Variants in SH2D4A observed in about 807,000 individuals in gnomAD.
The protein encoded by SH2D4A is SH2 domain-containing protein 4A.
A neutral mutation model predicts 64.7 loss-of-function variants in SH2D4A; 70 were observed. That is an observed-to-expected ratio of 1.08 (90% CI 0.89 to 1.32). The LOEUF is 1.32. Among genes scored for constraint, SH2D4A ranks in the 40% most tolerant of loss-of-function variants. The pLI is 0.00. For synonymous variants in SH2D4A, 268 were observed against 200.7 expected, an observed-to-expected ratio of 1.34 and a Z score of -2.83; for missense variants, 706 against 540.1, an observed-to-expected ratio of 1.31 and a Z score of -3.04.
intron 7 of SH2D4A, among the ~76,000 whole-genome samples, chr8:19,366,460 C>A (rs902121003): frequency 1.3e-5 from 2 of 152,106 alleles, no homozygotes; most frequent in Admixed American, 6.6e-5. Context: ...TACCATCCCC[C>A]CTACTCTCCC....
rs911491255 is a variant in SH2D4A at position 19,386,085 on chromosome 8, C to T, written c.1049-7233C>T. On this transcript the variant is annotated intron_variant, in intron 8 of 9. Coordinates refer to ENST00000265807, the MANE Select transcript of SH2D4A (RefSeq NM_022071.4). The stretch of plus-strand genomic sequence containing the variant: ...GCCAGCAACAATCATATATCACTGC[C>T]GGTGTGTGGCAGAGAAGGACAGCTG... Among the ~76,000 whole-genome samples the T allele has an allele frequency of 5.9e-5, 9 of 152,244 alleles. No individual in the cohort carries two copies. The South Asian group carries it at 6.2e-4, about 11-fold the overall frequency.
intron 2 of SH2D4A, among the ~76,000 whole-genome samples, chr8:19,323,084 G>A (rs184880761): frequency 4.6e-5 from 7 of 152,190 alleles, no homozygotes; most frequent in African/African-American, 9.6e-5. Context: ...TTCTGTAGTG[G>A]GAGAATGTGA....
At chr8:19,368,583 T>A (rs1442832206) in intron 7 of SH2D4A, among the ~76,000 whole-genome samples, 1 of 148,786 alleles carries the variant, frequency 6.7e-6, no homozygotes, top group African/African-American at 2.6e-5. Flanking sequence ...TCCTAGTTAT[T>A]TTATTTTATT....
chr8:19,332,493 T>C, intron 2 of SH2D4A, among the ~76,000 whole-genome samples: 1 of 151,798 alleles, frequency 6.6e-6, no homozygotes. Flanking sequence ...AATTAGCTGG[T>C]CGTGGTGGCA....
chr8:19,367,670 G>T (rs1453241809), intron 7 of SH2D4A, among the ~76,000 whole-genome samples: 1 of 152,084 alleles, frequency 6.6e-6, no homozygotes, highest in African/African-American at 2.4e-5. Context: ...TCTGTAACTT[G>T]TCTCTTTACT....
At chr8:19,372,363 G>A (rs2053117104) in intron 7 of SH2D4A, among the ~76,000 whole-genome samples, 1 of 152,130 alleles carries the variant, frequency 6.6e-6, no homozygotes, top group East Asian at 1.9e-4. Context: ...GAGGGTACAG[G>A]GGCTGTGTGG....
In SH2D4A at chr8:19,335,949, C is replaced by G. The variant is rs183450483; in HGVS notation, c.513+1092C>G. On this transcript the variant is annotated intron_variant, in intron 4 of 9. Coordinates refer to ENST00000265807, the MANE Select transcript of SH2D4A (RefSeq NM_022071.4). ...AGTTGTTTGATTTCCATTTATGTCT[C>G]CAGCCCTGCAGCACTGGCTGTGTGT... Among the ~76,000 whole-genome samples, 790 of 152,306 alleles carry G rather than the reference C, an allele frequency of 5.2e-3. 4 individuals carry two copies. Among genetic ancestry groups the G allele is most frequent in the African/African-American group, 0.018 (742 of 41,566 alleles).
intron 4 of SH2D4A, among the ~76,000 whole-genome samples, chr8:19,346,068 A>G (rs1193613556): frequency 6.6e-6 from 1 of 152,256 alleles, no homozygotes; most frequent in Non-Finnish European, 1.5e-5. Context: ...TATTATACCG[A>G]ATAAATATCC....
chr8:19,374,969 G>C (rs2053168776), intron 8 of SH2D4A, among the ~76,000 whole-genome samples: 1 of 152,096 alleles, frequency 6.6e-6, no homozygotes, highest in African/African-American at 2.4e-5. Context: ...TTATAAGAAG[G>C]GTAGTTTTTT....
Position 19,394,530 on chromosome 8 carries a change from C to G in SH2D4A, c.1273-20C>G. The G allele has an allele frequency of 6.4e-7, 1 of 1,573,626 alleles. No homozygotes were observed. The highest frequency in any genetic ancestry group is 8.7e-7 in the Non-Finnish European group (1 of 1,149,912). ...TGGTCACTACTTACACTATCTGACC[C>G]CGTGCCTTCTGATTGACAGGAGGAA... is the stretch of plus-strand genomic sequence containing the variant. On this transcript the variant is annotated intron_variant, in intron 9 of 9. Transcript: ENST00000265807.
intron 7 of SH2D4A, among the ~76,000 whole-genome samples, chr8:19,367,376 G>A (rs1334807032): frequency 2.0e-5 from 3 of 152,172 alleles, no homozygotes; most frequent in African/African-American, 4.8e-5. Flanking sequence ...GGCTATGAGA[G>A]TTCTCCTTTC....
intron 4 of SH2D4A, among the ~76,000 whole-genome samples, chr8:19,347,050 TC>T (rs2052624282): frequency 6.6e-6 from 1 of 152,190 alleles, no homozygotes; most frequent in South Asian, 2.1e-4. Flanking sequence ...GCTGTTGCCC[TC>T]TGTAAAATAG....
chr8:19,320,146 G>C (rs1209568392), intron 2 of SH2D4A, among the ~76,000 whole-genome samples: 1 of 151,952 alleles, frequency 6.6e-6, no homozygotes, highest in Non-Finnish European at 1.5e-5. Context: ...TTTTCTTTGA[G>C]GTATCTTTTT....
chr8:19,319,536 A>C lies in SH2D4A; in HGVS notation c.-12A>C. 6.7e-7 allele frequency: 1 copy of C among 1,497,022 alleles called. No homozygotes were observed. Among genetic ancestry groups the C allele is most frequent in the Non-Finnish European group, 8.9e-7 (1 of 1,121,272 alleles). The allele number at this position is 1,497,022 out of a possible 1,614,324, so 92.7% of individuals were successfully genotyped here. The stretch of plus-strand genomic sequence containing the variant: ...TTTTGCCACAAGTATAAAAGACTTC[A>C]GAAGTGCAAAGATGCTGAAACAGAT... On this transcript the variant is annotated 5_prime_UTR_variant, in exon 2 of 10. Coordinates refer to ENST00000265807, the MANE Select transcript of SH2D4A (RefSeq NM_022071.4).
At chr8:19,388,325 TAGAGGAAGCAACTCTAAAATGC>T in intron 8 of SH2D4A, among the ~76,000 whole-genome samples, 1 of 152,246 alleles carries the variant, frequency 6.6e-6, no homozygotes. Context: ...CTCTGCTTTT[TAGAGGAAGCAACTCTAAAATGC>T]AGTGGAAGCA....
At chr8:19,360,430 A>G (rs1051063676) in intron 5 of SH2D4A, among the ~76,000 whole-genome samples, 2 of 151,938 alleles carry the variant, frequency 1.3e-5, no homozygotes, top group South Asian at 4.1e-4. Context: ...CCTGGCCAAC[A>G]TGGTGAAACT....
At chr8:19,365,423 C>G (rs1170197775) in intron 7 of SH2D4A, among the ~76,000 whole-genome samples, 1 of 152,130 alleles carries the variant, frequency 6.6e-6, no homozygotes, top group Non-Finnish European at 1.5e-5. Context: ...AAATAGGAGT[C>G]TCTTAATTGT....
intron 4 of SH2D4A, among the ~76,000 whole-genome samples, chr8:19,341,276 T>G (rs1018220232): frequency 5.3e-5 from 8 of 152,230 alleles, no homozygotes; most frequent in Non-Finnish European, 7.3e-5. Flanking sequence ...GATTTCTGAA[T>G]TTCCGCTACA....
intron 8 of SH2D4A, among the ~76,000 whole-genome samples, chr8:19,382,657 G>GAA (rs1231370953): frequency 5.3e-5 from 8 of 151,960 alleles, no homozygotes; most frequent in Admixed American, 2.0e-4. Context: ...CTTATGCTGG[G>GAA]TTTATCAGGA....
Sources: allele counts gnomAD v4.1 joint callset (sites outside exome capture counted in the v4.1 genomes callset), GRCh38; gene constraint gnomAD v4.1.1; transcripts MANE v1.5; gene names NCBI Gene and HGNC (gene_info 2026-07-23, HGNC 2026-07-21).